TPO: variants seen among roughly 807,000 people sequenced by gnomAD.
TPO encodes thyroid microsomal antigen.
In TPO, 78 loss-of-function variants were observed where a neutral mutation model predicts 96.9. The ratio of observed to expected loss-of-function variants is 0.81; its 90% CI spans 0.67 to 0.97. The LOEUF is 0.97. Ranked by LOEUF, TPO falls within the 50% of genes least tolerant of loss-of-function variation. The pLI, the probability that TPO is intolerant of heterozygous loss-of-function variation, is 0.00. For synonymous variants in TPO, 547 were observed against 538.0 expected, an observed-to-expected ratio of 1.02 and a Z score of -0.23; for missense variants, 1,252 against 1,274.8, an observed-to-expected ratio of 0.98 and a Z score of 0.27.
intron 1 of TPO, among the ~76,000 whole-genome samples, chr2:1,396,463 G>A (rs1228760025): frequency 6.6e-6 from 1 of 152,226 alleles, no homozygotes; most frequent in Admixed American, 6.5e-5. Flanking sequence ...GCATGTGTCA[G>A]CCATCTGCAA....
chr2:1,514,080 A>G (rs1253373746), intron 14 of TPO, among the ~76,000 whole-genome samples: 1 of 152,194 alleles, frequency 6.6e-6, no homozygotes, highest in East Asian at 1.9e-4. Context: ...GAGTCCCAGG[A>G]TCTGCTGTCT....
chr2:1,386,884 G>A (rs1328823551), intron 1 of TPO, among the ~76,000 whole-genome samples: 1 of 152,158 alleles, frequency 6.6e-6, no homozygotes, highest in Non-Finnish European at 1.5e-5. Flanking sequence ...GCTTCCTTCA[G>A]GAACTCTTTT....
chr2:1,536,641 T>TC (rs552769137), intron 15 of TPO, among the ~76,000 whole-genome samples: 8,540 of 15,556 alleles, frequency 0.55, 2,152 homozygotes, highest in East Asian at 0.57. Context: ...CCTCCCCAAA[T>TC]CCCCCCCCCC....
intron 1 of TPO, among the ~76,000 whole-genome samples, chr2:1,399,537 G>A (rs1662133403): frequency 1.3e-5 from 2 of 152,312 alleles, no homozygotes; most frequent in Non-Finnish European, 2.9e-5. Flanking sequence ...CCAGAATGAT[G>A]CATGATTTAA....
chr2:1,421,555 G>A (rs961453623), intron 2 of TPO, among the ~76,000 whole-genome samples: 2 of 152,232 alleles, frequency 1.3e-5, no homozygotes, highest in African/African-American at 2.4e-5. Flanking sequence ...GGCGGGGCTG[G>A]TTACTGCATT....
chr2:1,374,986 C>T (rs1361306704), intron 1 of TPO, among the ~76,000 whole-genome samples: 1 of 152,082 alleles, frequency 6.6e-6, no homozygotes, highest in Non-Finnish European at 1.5e-5. Context: ...ACCTTGGCCT[C>T]CCAAAGTGTT....
rs1680946597 is a variant in TPO at position 1,543,625 on chromosome 2, G to T, written c.*1151G>T. 2 of 152,064 alleles carry T rather than the reference G, an allele frequency of 1.3e-5. No homozygotes were observed. The highest frequency in any genetic ancestry group is 2.9e-5 in the Non-Finnish European group (2 of 67,992). 9.4% of individuals were successfully genotyped at this position (152,064 alleles called of 1,614,324 possible). On this transcript the variant is annotated 3_prime_UTR_variant, in exon 17 of 17. Coordinates refer to ENST00000329066, the MANE Select transcript of TPO (RefSeq NM_001206744.2). ...TGTGTGTTCCCAAACTCTTAGTTTT[G>T]TTCATGTAAAACTCATGATTTCATA...
At chr2:1,425,982 C>A (rs1017061538) in intron 3 of TPO, among the ~76,000 whole-genome samples, 6 of 146,272 alleles carry the variant, frequency 4.1e-5, no homozygotes, top group African/African-American at 1.6e-4. Flanking sequence ...TCTGTAAAGT[C>A]ATTGTTCTAG....
chr2:1,387,716 A>G (rs1375822702), intron 1 of TPO, among the ~76,000 whole-genome samples: 4 of 152,246 alleles, frequency 2.6e-5, no homozygotes, highest in South Asian at 2.1e-4. Context: ...CAGCTCGTCA[A>G]AGTCATTCTT....
intron 7 of TPO, among the ~76,000 whole-genome samples, chr2:1,460,758 G>C (rs11674407): frequency 0.05 from 7,595 of 152,268 alleles, 268 homozygotes; most frequent in East Asian, 0.15. Flanking sequence ...AGCAGGGAGG[G>C]AGCACGTTGG....
chr2:1,438,606 C>G (rs1665836354), intron 5 of TPO, among the ~76,000 whole-genome samples: 1 of 150,154 alleles, frequency 6.7e-6, no homozygotes, highest in Non-Finnish European at 1.5e-5. Flanking sequence ...CGTCCCTCCT[C>G]CACGTCAGGG....
At chr2:1,458,574 T>C (rs1292750658) in intron 7 of TPO, among the ~76,000 whole-genome samples, 3 of 152,028 alleles carry the variant, frequency 2.0e-5, no homozygotes, top group Non-Finnish European at 4.4e-5. Context: ...TAAGATAGTG[T>C]GTGGACATGT....
At chr2:1,433,069 C>T (rs1163014545) in intron 3 of TPO, among the ~76,000 whole-genome samples, 1 of 152,178 alleles carries the variant, frequency 6.6e-6, no homozygotes, top group Non-Finnish European at 1.5e-5. Context: ...GGGCTGTGCG[C>T]TTCCCAGTCT....
At chr2:1,385,632 C>G (rs1314320702) in intron 1 of TPO, among the ~76,000 whole-genome samples, 3 of 150,976 alleles carry the variant, frequency 2.0e-5, no homozygotes, top group Non-Finnish European at 4.4e-5. Flanking sequence ...AGCGGTCTAT[C>G]AATTTTGTTG....
Position 1,540,600 on chromosome 2 carries a change from C to G in TPO, c.2625C>G (p.Arg875=). 6.2e-7 allele frequency: 1 copy of G among 1,613,516 alleles called. No homozygotes were observed. The highest frequency in any genetic ancestry group is 8.5e-7 in the Non-Finnish European group (1 of 1,180,032). The change falls in exon 16 of 17, where the codon CGC becomes CGG. Residue 875 remains arginine (R), a synonymous_variant. Coordinates refer to ENST00000329066, the MANE Select transcript of TPO (RefSeq NM_001206744.2). ...LTSTVICRWT[R]TGTKSTLPIS... Reference sequence around the variant, plus strand: ...GGACACGTGTCTCCCACAGGACACGCACTGGCACTAAATCCACACTGCCCA... The same window carrying G: ...GGACACGTGTCTCCCACAGGACACGGACTGGCACTAAATCCACACTGCCCA...
chr2:1,487,733 C>T (rs1027339667), intron 9 of TPO, 88 bp from the exon 10 acceptor site: 71 of 1,517,988 alleles, frequency 4.7e-5, no homozygotes, highest in South Asian at 7.1e-5. Flanking sequence ...AATGAGACTC[C>T]GTCTCAAAAA....
At chr2:1,482,552 G>A (rs991631127) in intron 8 of TPO, among the ~76,000 whole-genome samples, 11 of 152,180 alleles carry the variant, frequency 7.2e-5, no homozygotes, top group African/African-American at 2.2e-4. Context: ...ACAGTATGGC[G>A]TCTGCCCAGG....
intron 10 of TPO, among the ~76,000 whole-genome samples, chr2:1,492,065 G>A (rs987720964): frequency 2.0e-5 from 3 of 152,214 alleles, no homozygotes; most frequent in Non-Finnish European, 2.9e-5. Flanking sequence ...ACACACACTT[G>A]TTCCTCCTGA....
intron 8 of TPO, among the ~76,000 whole-genome samples, chr2:1,484,123 C>T (rs981335468): frequency 6.6e-5 from 10 of 152,316 alleles, no homozygotes; most frequent in African/African-American, 2.4e-4. Context: ...TGTATCAAAT[C>T]GTAATTTCCA....
Sources: gnomAD v4.1 joint callset for allele counts (sites outside exome capture counted in the v4.1 genomes callset) on GRCh38, gnomAD v4.1.1 for gene constraint, MANE v1.5 for transcripts, NCBI Gene and HGNC (gene_info 2026-07-23, HGNC 2026-07-21) for gene names.